PTPRG: variants seen among roughly 807,000 people sequenced by gnomAD.
The protein encoded by PTPRG is receptor-type tyrosine-protein phosphatase gamma.
Under a neutral mutation model 165.3 loss-of-function variants are expected in PTPRG, and 102 were observed. The ratio of observed to expected loss-of-function variants is 0.62; its 90% CI spans 0.53 to 0.73. PTPRG has a LOEUF of 0.73. PTPRG is among the 30% of genes least tolerant of loss of function. The pLI, the probability that PTPRG is intolerant of heterozygous loss-of-function variation, is 0.00. For synonymous variants in PTPRG, 675 were observed against 669.5 expected (o/e 1.01, Z -0.13); for missense variants, 1,866 against 1,861.4 (o/e 1.00, Z -0.05).
chr3:62,143,172 A>C (rs1703992607), intron 6 of PTPRG, among the ~76,000 whole-genome samples: 1 of 152,180 alleles, frequency 6.6e-6, no homozygotes, highest in African/African-American at 2.4e-5. Context: ...ATTGAACAGG[A>C]CCATAATCTG....
At chr3:61,737,919 T>TTG (rs903012278) in intron 1 of PTPRG, among the ~76,000 whole-genome samples, 41 of 150,870 alleles carry the variant, frequency 2.7e-4, no homozygotes, top group Middle Eastern at 3.4e-3. Flanking sequence ...TTTTTGTTTT[T>TTG]TTTTTTTAAG....
chr3:61,733,655 A>G lies in PTPRG; in HGVS notation c.86-15223A>G, dbSNP rs569933062. On this transcript the variant is annotated intron_variant, in intron 1 of 29. Coordinates refer to ENST00000474889, the MANE Select transcript of PTPRG (RefSeq NM_002841.4). Reference sequence around the variant, plus strand: ...TTAGGAATGGATTTATTTCTTTGACATTGAGATGGAGCTTTAAAAAGCATT... The same window carrying G: ...TTAGGAATGGATTTATTTCTTTGACGTTGAGATGGAGCTTTAAAAAGCATT... Among the ~76,000 whole-genome samples, 9 of 152,334 alleles carry G rather than the reference A, an allele frequency of 5.9e-5. No individual in the cohort carries two copies. The South Asian group carries it at 1.7e-3, about 28-fold the overall frequency.
intron 2 of PTPRG, among the ~76,000 whole-genome samples, chr3:61,875,368 G>A (rs1346568058): frequency 7.0e-6 from 1 of 143,856 alleles, no homozygotes; most frequent in African/African-American, 2.8e-5. Flanking sequence ...CCATCTGCAA[G>A]GCAAAACGTT....
intron 1 of PTPRG, among the ~76,000 whole-genome samples, chr3:61,663,116 T>C (rs1702712344): frequency 6.6e-6 from 1 of 152,108 alleles, no homozygotes; most frequent in African/African-American, 2.4e-5. Flanking sequence ...AAACTGTCTC[T>C]ACCAAAAATA....
chr3:62,176,149 G>A (rs1268080013), intron 8 of PTPRG, among the ~76,000 whole-genome samples: 1 of 152,144 alleles, frequency 6.6e-6, no homozygotes, highest in African/African-American at 2.4e-5. Flanking sequence ...GCAAGAGGCT[G>A]ATGGAAATAT....
At chr3:61,883,395 C>T (rs192622567) in intron 2 of PTPRG, among the ~76,000 whole-genome samples, 3 of 152,224 alleles carry the variant, frequency 2.0e-5, no homozygotes, top group Admixed American at 6.5e-5. Flanking sequence ...GTGCAAAAGT[C>T]CTGTCCTCCA....
At chr3:61,596,558 A>G (rs1223943644) in intron 1 of PTPRG, among the ~76,000 whole-genome samples, 1 of 152,038 alleles carries the variant, frequency 6.6e-6, no homozygotes, top group African/African-American at 2.4e-5. Context: ...AAAGCAAGCT[A>G]TTTGTTTTTT....
At position 62,273,824 on chromosome 3, in the gene PTPRG, C is replaced by T. The variant is rs1559743760; in HGVS notation, c.3445C>T (p.Arg1149Ter). The T allele has an allele frequency of 6.2e-7, 1 of 1,613,630 alleles. No homozygotes were observed. The highest frequency in any genetic ancestry group is 8.5e-7 in the Non-Finnish European group (1 of 1,179,730). The change falls in exon 23 of 30, where the codon CGA (arginine) becomes TGA (stop). Residue 1149 changes from arginine (R) to a stop codon, truncating the protein, a stop_gained. Coordinates refer to ENST00000474889, the MANE Select transcript of PTPRG (RefSeq NM_002841.4). LOFTEE classifies it high-confidence loss of function. This position sits in a 1 kb window ranked among gnomAD's most constrained non-coding sequence, Gnocchi z 4.1. ...ILIPGVGGKT[R>*]LEKQFKLVTQ... Reference sequence around the variant, plus strand: ...TATACCAGGAGTAGGAGGAAAGACACGACTGGAAAAGCAATTCAAGGTAGT... The same window carrying T: ...TATACCAGGAGTAGGAGGAAAGACATGACTGGAAAAGCAATTCAAGGTAGT...
chr3:61,777,607 C>T (rs535626832), intron 2 of PTPRG, among the ~76,000 whole-genome samples: 12 of 152,164 alleles, frequency 7.9e-5, no homozygotes, highest in African/African-American at 2.9e-4. Flanking sequence ...AGCAGGGAAT[C>T]GGAGACATTT....
intron 2 of PTPRG, among the ~76,000 whole-genome samples, chr3:61,857,149 T>TGAG (rs2037130866): frequency 6.6e-6 from 1 of 152,168 alleles, no homozygotes; most frequent in Non-Finnish European, 1.5e-5. Context: ...GTTTTGCAGT[T>TGAG]GAGGTAACCA....
chr3:62,224,162 C>A lies in PTPRG; in HGVS notation c.2288+5179C>A, dbSNP rs562554447. ...TAAATAACTGGGTTAAAGACATGAC[C>A]CCACTCCCACCCGCAACCCCAGGAA... On this transcript the variant is annotated intron_variant, in intron 13 of 29. Coordinates refer to ENST00000474889, the MANE Select transcript of PTPRG (RefSeq NM_002841.4). The surrounding 1 kb of genome is among the most constrained non-coding windows in gnomAD (Gnocchi z 4.9). Among the ~76,000 whole-genome samples the A allele has an allele frequency of 6.6e-6, 1 of 152,148 alleles. No individual in the cohort carries two copies. The highest frequency in any genetic ancestry group is 2.4e-5 in the African/African-American group (1 of 41,496).
At chr3:62,208,581 G>T (rs1159765079) in intron 12 of PTPRG, among the ~76,000 whole-genome samples, 1 of 152,090 alleles carries the variant, frequency 6.6e-6, no homozygotes, top group African/African-American at 2.4e-5. Flanking sequence ...ACCACAGCCC[G>T]CAGGCCACTT....
chr3:61,870,427 C>T (rs567668104), intron 2 of PTPRG, among the ~76,000 whole-genome samples: 2 of 147,702 alleles, frequency 1.4e-5, no homozygotes, highest in South Asian at 2.2e-4. Flanking sequence ...ATTCTCCTGC[C>T]TCAGCCTCCC....
At chr3:62,061,255 TG>T (rs1700800455) in intron 4 of PTPRG, among the ~76,000 whole-genome samples, 1 of 152,252 alleles carries the variant, frequency 6.6e-6, no homozygotes, top group Non-Finnish European at 1.5e-5. Context: ...CTTCTGAGTG[TG>T]TTCACTGTTG....
rs868114417 is a variant in PTPRG at position 61,767,241 on chromosome 3, A to G, written c.190+18259A>G. On this transcript the variant is annotated intron_variant, in intron 2 of 29. Transcript: ENST00000474889. ...CCTTGTGACAGCAAGATTCCATCTCAAAAAAAAAAAAAAAAAGAAAGTAGA... is the reference window on the plus strand; with the variant it reads ...CCTTGTGACAGCAAGATTCCATCTCGAAAAAAAAAAAAAAAAGAAAGTAGA... 1.1e-4 allele frequency among the ~76,000 whole-genome samples: 16 copies of G among 144,494 alleles called. 1 individual carries two copies. The highest frequency in any genetic ancestry group is 2.3e-4 in the Non-Finnish European group (15 of 66,448). 94.8% of individuals were successfully genotyped at this position (144,494 alleles called of 152,430 possible). A position where few individuals can be genotyped will look rare whatever the true frequency, so the allele number is the denominator to read the frequency against.
At chr3:61,922,209 T>C (rs766222441) in intron 2 of PTPRG, among the ~76,000 whole-genome samples, 2 of 152,200 alleles carry the variant, frequency 1.3e-5, no homozygotes, top group African/African-American at 2.4e-5. Flanking sequence ...AGGGACTTGA[T>C]TCATAGGTAA....
chr3:62,012,178 A>G (rs1486773094), intron 4 of PTPRG, among the ~76,000 whole-genome samples: 1 of 152,176 alleles, frequency 6.6e-6, no homozygotes, highest in Non-Finnish European at 1.5e-5. Flanking sequence ...CTTGTGAGAG[A>G]GGGACTCTTC....
chr3:62,234,936 T>TTCC (rs1553655884), intron 14 of PTPRG, among the ~76,000 whole-genome samples: 1 of 146,164 alleles, frequency 6.8e-6, no homozygotes, highest in African/African-American at 2.5e-5. Flanking sequence ...TGAATCTACT[T>TTCC]CCCCCCCCCG....
chr3:62,121,455 A>G (rs943489284), intron 5 of PTPRG, among the ~76,000 whole-genome samples: 3 of 152,154 alleles, frequency 2.0e-5, no homozygotes, highest in Admixed American at 2.0e-4. Context: ...ATGACTATAC[A>G]GCTGCTAAGT....
Sources: gnomAD v4.1 joint callset for allele counts (sites outside exome capture counted in the v4.1 genomes callset) on GRCh38, gnomAD v4.1.1 for gene constraint, Gnocchi (gnomAD v3.1) non-coding constraint, MANE v1.5 for transcripts, NCBI Gene and HGNC (gene_info 2026-07-23, HGNC 2026-07-21) for gene names.